Variants in RAB21 observed in about 807,000 individuals in gnomAD.
RAB21 encodes RAB21, member RAS oncogene family.
A neutral mutation model predicts 33.1 loss-of-function variants in RAB21; 13 were observed. That is an observed-to-expected ratio of 0.39 (90% CI 0.26 to 0.62). The LOEUF (loss-of-function observed/expected upper bound fraction) is 0.62, where lower values mean the gene tolerates loss of function less well. Among genes scored for constraint, RAB21 ranks in the 20% least tolerant of loss-of-function variants. The pLI is 0.48. For missense variants in RAB21, 234 were observed against 279.1 expected (o/e 0.84, Z 1.15); for synonymous variants, 91 against 103.7 (o/e 0.88, Z 0.74).
chr12:71,776,683 G>A (rs1172818626), intron 4 of RAB21, among the ~76,000 whole-genome samples: 5 of 149,454 alleles, frequency 3.3e-5, no homozygotes, highest in Admixed American at 3.3e-4. Flanking sequence ...GGACTGATTT[G>A]AGTAATAATA....
chr12:71,768,691 C>G (rs976879130), intron 1 of RAB21, among the ~76,000 whole-genome samples: 13 of 152,148 alleles, frequency 8.5e-5, no homozygotes, highest in Non-Finnish European at 1.9e-4. Flanking sequence ...TTCAGTGATT[C>G]TCCCTTGTCA....
chr12:71,755,436 C>T (rs1453388324), intron 1 of RAB21, 148 bp downstream of exon 1: 10 of 1,015,062 alleles, frequency 9.9e-6, no homozygotes, highest in Non-Finnish European at 1.2e-5. Flanking sequence ...CGAATTCGCC[C>T]TGGGGAATCA....
At chr12:71,780,243 T>C (rs1245666385) in intron 4 of RAB21, among the ~76,000 whole-genome samples, 2 of 152,314 alleles carry the variant, frequency 1.3e-5, no homozygotes, top group African/African-American at 4.8e-5. Flanking sequence ...ATTGATGATA[T>C]TGATGGAATT....
chr12:71,782,187 T>C (rs1455060236), intron 5 of RAB21, 102 bp downstream of exon 5: 4 of 1,101,158 alleles, frequency 3.6e-6, no homozygotes, highest in Non-Finnish European at 4.0e-6. Context: ...TCTCTTAGCA[T>C]GGATTGAGGT....
intron 2 of RAB21, among the ~76,000 whole-genome samples, chr12:71,770,126 C>A (rs1883020444): frequency 6.6e-6 from 1 of 151,980 alleles, no homozygotes; most frequent in African/African-American, 2.4e-5. Context: ...TTTTCCCCAC[C>A]CTGTGTCTCC....
rs1883309374 is a variant in RAB21 at position 71,787,285 on chromosome 12, T to C, written c.*1612T>C. On this transcript the variant is annotated 3_prime_UTR_variant, in exon 7 of 7. Coordinates refer to ENST00000261263, the MANE Select transcript of RAB21 (RefSeq NM_014999.4). ...TTTTTTCTTAAGCATAAGACTGAAC[T>C]TAAATGTGTTAATTTTAGTAGAATC... is the stretch of plus-strand genomic sequence containing the variant. 4 of 152,184 alleles carry C rather than the reference T, an allele frequency of 2.6e-5. No homozygotes were observed. 9.4% of individuals were successfully genotyped at this position (152,184 alleles called of 1,614,324 possible).
rs1883413371 is a variant in RAB21, at chr12:71,793,254, C to T, written c.*7581C>T. 2 of 151,996 alleles carry T rather than the reference C, an allele frequency of 1.3e-5. No individual in the cohort carries two copies. The highest frequency in any genetic ancestry group is 4.2e-4 in the South Asian group (2 of 4,816). The allele number at this position is 151,996 out of a possible 1,614,324, so 9.4% of individuals were successfully genotyped here. A position where few individuals can be genotyped will look rare whatever the true frequency, so the allele number is the denominator to read the frequency against. ...CCTTTGACAGATGTGGCCTTGTCACCACACAGTAAGCCAGAACACAATCCA... is the reference window on the plus strand; with the variant it reads ...CCTTTGACAGATGTGGCCTTGTCACTACACAGTAAGCCAGAACACAATCCA... On this transcript the variant is annotated 3_prime_UTR_variant, in exon 7 of 7. Coordinates refer to ENST00000261263, the MANE Select transcript of RAB21 (RefSeq NM_014999.4).
At chr12:71,775,712 T>A (rs1565891225) in intron 4 of RAB21, among the ~76,000 whole-genome samples, 1 of 152,058 alleles carries the variant, frequency 6.6e-6, no homozygotes, top group Non-Finnish European at 1.5e-5. Context: ...AATTTTTGTA[T>A]TTTTAGTAGA....
In RAB21 at chr12:71,799,488, A is replaced by G. The variant is rs1193205460; in HGVS notation, c.*13815A>G. 1 of 152,202 alleles carries G rather than the reference A, an allele frequency of 6.6e-6. No homozygotes were observed. Among genetic ancestry groups the G allele is most frequent in the Non-Finnish European group, 1.5e-5 (1 of 68,036 alleles). The allele number at this position is 152,202 out of a possible 1,614,324, so 9.4% of individuals were successfully genotyped here. A position where few individuals can be genotyped will look rare whatever the true frequency, so the allele number is the denominator to read the frequency against. On this transcript the variant is annotated 3_prime_UTR_variant, in exon 7 of 7. Transcript: ENST00000261263. ...CTAGCAGTTTCACTTCTTGGAATAT[A>G]TCCTGTAAATATGCTTATGTATGAA... is the stretch of plus-strand genomic sequence containing the variant.
chr12:71,769,025 C>G (rs1883002132), intron 1 of RAB21, among the ~76,000 whole-genome samples: 1 of 152,158 alleles, frequency 6.6e-6, no homozygotes, highest in Non-Finnish European at 1.5e-5. Context: ...AGTTTCATCT[C>G]TGGTATTGAC....
chr12:71,776,649 G>T (rs1376044111), intron 4 of RAB21, among the ~76,000 whole-genome samples: 2 of 151,490 alleles, frequency 1.3e-5, no homozygotes, highest in Non-Finnish European at 2.9e-5. Flanking sequence ...GGAATTCAGA[G>T]TTGGGAGAAT....
At chr12:71,777,007 G>C (rs77405694) in intron 4 of RAB21, among the ~76,000 whole-genome samples, 2 of 152,076 alleles carry the variant, frequency 1.3e-5, no homozygotes, top group Non-Finnish European at 2.9e-5. Flanking sequence ...TGCAATAAAC[G>C]AATTTTTCTT....
chr12:71,779,475 A>C (rs1363953323), intron 4 of RAB21, among the ~76,000 whole-genome samples: 1 of 152,160 alleles, frequency 6.6e-6, no homozygotes, highest in African/African-American at 2.4e-5. Flanking sequence ...AAACAAAAAA[A>C]AAATTACAGT....
At position 71,779,379 on chromosome 12, in the gene RAB21, G is replaced by A. The variant is rs188930791; in HGVS notation, c.392-2652G>A. Among the ~76,000 whole-genome samples the A allele has an allele frequency of 5.5e-3, 837 of 152,256 alleles. 10 individuals carry two copies. The highest frequency in any genetic ancestry group is 0.019 in the African/African-American group (787 of 41,554). On this transcript the variant is annotated intron_variant, in intron 4 of 6. Transcript: ENST00000261263. ...TGAGGCAGGAGAATCGCTTGAGCCC[G>A]GGAGGTGGAGGCTGCAGAGAGCCGT...
rs1280634156 is a variant in RAB21, at chr12:71,791,859, C to T, written c.*6186C>T. The T allele has an allele frequency of 6.6e-6, 1 of 152,160 alleles. No homozygotes were observed. The highest frequency in any genetic ancestry group is 1.5e-5 in the Non-Finnish European group (1 of 68,036). 9.4% of individuals were successfully genotyped at this position (152,160 alleles called of 1,614,324 possible). On this transcript the variant is annotated 3_prime_UTR_variant, in exon 7 of 7. Coordinates refer to ENST00000261263, the MANE Select transcript of RAB21 (RefSeq NM_014999.4). ...TTTACCAAGGCCAACTAGAATCATACTTCTTTTTCTGGAAGTTTTTTTTGA... is the reference window on the plus strand; with the variant it reads ...TTTACCAAGGCCAACTAGAATCATATTTCTTTTTCTGGAAGTTTTTTTTGA...
intron 1 of RAB21, among the ~76,000 whole-genome samples, chr12:71,762,286 GGTTTTGTTTTGTTTT>G (rs200338487): frequency 3.3e-5 from 5 of 151,344 alleles, no homozygotes; most frequent in South Asian, 2.1e-4. Flanking sequence ...ACCTAGCTTA[GGTTTTGTTTTGTTTT>G]GTTTTGTTTT....
In RAB21 at chr12:71,796,548, C is replaced by T. The variant is rs1883466050; in HGVS notation, c.*10875C>T. 7.3e-6 allele frequency: 1 copy of T among 137,260 alleles called. No homozygotes were observed. Among genetic ancestry groups the T allele is most frequent in the Non-Finnish European group, 1.5e-5 (1 of 65,882 alleles). 8.5% of individuals were successfully genotyped at this position (137,260 alleles called of 1,614,324 possible). ...CTGGTGTCATTAGGAAATACGTTAA[C>T]ATAAGATCCCTGACTATAAAGTAAG... is the stretch of plus-strand genomic sequence containing the variant. On this transcript the variant is annotated 3_prime_UTR_variant, in exon 7 of 7. Transcript: ENST00000261263.
intron 3 of RAB21, 70 bp from the exon 4 acceptor site, chr12:71,773,888 GT>G: frequency 5.5e-6 from 6 of 1,082,922 alleles, no homozygotes; most frequent in Admixed American, 2.3e-5. Context: ...ACAGTGTTGA[GT>G]TTTTTGGGTG....
chr12:71,774,185 G>A (rs1338965795), intron 4 of RAB21, 163 bp downstream of exon 4: 3 of 404,734 alleles, frequency 7.4e-6, no homozygotes, highest in African/African-American at 4.3e-5. Context: ...AGTGGCTCAT[G>A]CCTGTAATTC....
Sources: allele counts gnomAD v4.1 joint callset (sites outside exome capture counted in the v4.1 genomes callset), GRCh38; gene constraint gnomAD v4.1.1; transcripts MANE v1.5; gene names NCBI Gene and HGNC (gene_info 2026-07-23, HGNC 2026-07-21).